GNG4: variants seen among roughly 807,000 people sequenced by gnomAD.
GNG4 encodes the protein G protein subunit gamma 4.
A neutral mutation model predicts 5.8 loss-of-function variants in GNG4; 4 were observed. The ratio of observed to expected loss-of-function variants is 0.69; its 90% CI spans 0.34 to 1.57. GNG4 has a LOEUF of 1.57. Among genes scored for constraint, GNG4 ranks in the 40% most tolerant of loss-of-function variants. The probability of loss-of-function intolerance (pLI) is 0.06; values close to 1 mark genes in which losing one functional copy is unlikely to be tolerated. For missense variants in GNG4, 96 were observed against 95.1 expected, an observed-to-expected ratio of 1.01 and a Z score of -0.04; for synonymous variants, 29 against 32.9, an observed-to-expected ratio of 0.88 and a Z score of 0.41.
intron 3 of GNG4, among the ~76,000 whole-genome samples, chr1:235,581,392 G>A (rs1295413412): frequency 3.3e-5 from 5 of 152,062 alleles, no homozygotes; most frequent in Middle Eastern, 6.8e-3. Flanking sequence ...AGCCGGGCGT[G>A]GTGGTGGGCG....
chr1:235,606,452 C>T (rs139657792), intron 1 of GNG4, among the ~76,000 whole-genome samples: 42 of 151,916 alleles, frequency 2.8e-4, no homozygotes, highest in African/African-American at 7.0e-4. Context: ...GGTAGGGAGA[C>T]GGGGTGGAGA....
Position 235,558,053 on chromosome 1 carries a change from G to A in GNG4, c.100-5816C>T, listed in dbSNP as rs183445314. ...TTTGTTGCTTTAAGATCACAGTTGC[G>A]TTTGCTGAGTTATAACCACTCCTCT... On this transcript the variant is annotated intron_variant, in intron 3 of 3. Coordinates refer to ENST00000391854, the MANE Select transcript of GNG4 (RefSeq NM_001098722.2). Among the ~76,000 whole-genome samples the A allele has an allele frequency of 7.2e-5, 11 of 152,240 alleles. No individual in the cohort carries two copies. The East Asian group carries it at 9.6e-4, about 13-fold the overall frequency.
At chr1:235,563,228 G>A (rs1265155234) in intron 3 of GNG4, among the ~76,000 whole-genome samples, 1 of 151,798 alleles carries the variant, frequency 6.6e-6, no homozygotes, top group African/African-American at 2.4e-5. Context: ...TTTGAGACCA[G>A]CCTGGCCAAC....
intron 1 of GNG4, among the ~76,000 whole-genome samples, chr1:235,643,398 C>A (rs1372284604): frequency 2.6e-5 from 4 of 152,216 alleles, no homozygotes; most frequent in African/African-American, 9.7e-5. Flanking sequence ...TCAGAAAGAA[C>A]TAACACTCTC....
chr1:235,596,104 G>A (rs1203240405), intron 1 of GNG4, among the ~76,000 whole-genome samples: 1 of 152,056 alleles, frequency 6.6e-6, no homozygotes, highest in African/African-American at 2.4e-5. Context: ...AACCCGGGAG[G>A]CGGAGCTTGC....
chr1:235,647,916 G>A (rs773833650), intron 1 of GNG4, among the ~76,000 whole-genome samples: 1 of 152,158 alleles, frequency 6.6e-6, no homozygotes, highest in Admixed American at 6.5e-5. Flanking sequence ...GATTACAGGC[G>A]ATGTTCCCAC....
intron 1 of GNG4, among the ~76,000 whole-genome samples, chr1:235,606,944 CTTTTTTTTTTT>C (rs1181596456): frequency 8.1e-6 from 1 of 123,722 alleles, no homozygotes; most frequent in African/African-American, 3.5e-5. Flanking sequence ...CCTTTCTTTC[CTTTTTTTTTTT>C]TTTTTTTTTG....
chr1:235,556,821 C>T (rs192619502), intron 3 of GNG4, among the ~76,000 whole-genome samples: 129 of 151,976 alleles, frequency 8.5e-4, no homozygotes, highest in Non-Finnish European at 1.1e-3. Context: ...GAGGCCTGAG[C>T]TTGTTTTTCT....
intron 1 of GNG4, among the ~76,000 whole-genome samples, chr1:235,636,608 G>A (rs1167506749): frequency 6.6e-6 from 1 of 152,144 alleles, no homozygotes; most frequent in Non-Finnish European, 1.5e-5. Context: ...CTCCAGCAGG[G>A]CAATTGCCTG....
At chr1:235,552,667 C>T (rs1253692738) in intron 3 of GNG4, among the ~76,000 whole-genome samples, 1 of 152,244 alleles carries the variant, frequency 6.6e-6, no homozygotes. Flanking sequence ...GCAATCCACT[C>T]TTGTGACCAA....
At chr1:235,578,512 T>C (rs1571889739) in intron 3 of GNG4, among the ~76,000 whole-genome samples, 1 of 152,238 alleles carries the variant, frequency 6.6e-6, no homozygotes, top group Non-Finnish European at 1.5e-5. Flanking sequence ...AGCCAAGTTA[T>C]GGAATCAACC....
rs1370204089 is a variant in GNG4 at position 235,648,327 on chromosome 1, A to G, written c.-123+1335T>C. ...TTACACCTACTATTTATTAAGTGCC[A>G]CAGCCATCTCTTATCATGACCGGTC... On this transcript the variant is annotated intron_variant, in intron 1 of 3. Coordinates refer to ENST00000391854, the MANE Select transcript of GNG4 (RefSeq NM_001098722.2). This position sits in a 1 kb window ranked among gnomAD's most constrained non-coding sequence, Gnocchi z 5.0. Among the ~76,000 whole-genome samples the G allele has an allele frequency of 6.6e-6, 1 of 152,228 alleles. No individual in the cohort carries two copies.
chr1:235,618,191 A>G (rs528744777), intron 1 of GNG4, among the ~76,000 whole-genome samples: 3 of 152,302 alleles, frequency 2.0e-5, no homozygotes, highest in South Asian at 2.1e-4. Flanking sequence ...AAGGTCACAA[A>G]CTTAGTTTGG....
At chr1:235,574,329 C>A (rs1273103570) in intron 3 of GNG4, among the ~76,000 whole-genome samples, 2 of 152,166 alleles carry the variant, frequency 1.3e-5, no homozygotes, top group African/African-American at 4.8e-5. Flanking sequence ...CAAGGTCACG[C>A]CACTGCACTC....
At chr1:235,553,744 G>A (rs893466494) in intron 3 of GNG4, among the ~76,000 whole-genome samples, 3 of 152,210 alleles carry the variant, frequency 2.0e-5, no homozygotes, top group African/African-American at 7.2e-5. Context: ...AATGTGGCAT[G>A]GAGAAATGAG....
At chr1:235,565,386 C>T (rs1422348284) in intron 3 of GNG4, among the ~76,000 whole-genome samples, 1 of 152,154 alleles carries the variant, frequency 6.6e-6, no homozygotes, top group African/African-American at 2.4e-5. Flanking sequence ...CGCCTGTAAT[C>T]CCAACTACTC....
intron 3 of GNG4, among the ~76,000 whole-genome samples, chr1:235,571,507 T>A (rs1687343556): frequency 6.6e-6 from 1 of 152,244 alleles, no homozygotes; most frequent in Non-Finnish European, 1.5e-5. Flanking sequence ...TTATCATCTG[T>A]TACATTTGCA....
chr1:235,616,557 T>A (rs1688593725), intron 1 of GNG4, among the ~76,000 whole-genome samples: 1 of 152,218 alleles, frequency 6.6e-6, no homozygotes, highest in Non-Finnish European at 1.5e-5. Context: ...GTGTTTACAA[T>A]GCTCTGTCCT....
At chr1:235,589,393 G>A (rs2102949607) in intron 2 of GNG4, among the ~76,000 whole-genome samples, 1 of 152,300 alleles carries the variant, frequency 6.6e-6, no homozygotes, top group Admixed American at 6.5e-5. Flanking sequence ...GGAGCTGGCT[G>A]CTGAGAGGAG....
Sources: gnomAD v4.1 joint callset for allele counts (sites outside exome capture counted in the v4.1 genomes callset) on GRCh38, gnomAD v4.1.1 for gene constraint, Gnocchi (gnomAD v3.1) non-coding constraint, MANE v1.5 for transcripts, NCBI Gene and HGNC (gene_info 2026-07-23, HGNC 2026-07-21) for gene names.